The following INSC variants were observed in gnomAD, a reference collection of about 807,000 sequenced individuals.
INSC encodes protein inscuteable homolog.
A neutral mutation model predicts 58.6 loss-of-function variants in INSC; 67 were observed. That is an observed-to-expected ratio of 1.14 (90% CI 0.94 to 1.40). INSC has a LOEUF of 1.40. Ranked by LOEUF, INSC falls within the 40% of genes most tolerant of loss-of-function variation. The probability of loss-of-function intolerance (pLI) is 0.00; values close to 1 mark genes in which losing one functional copy is unlikely to be tolerated. For missense variants in INSC, 714 were observed against 692.0 expected, an observed-to-expected ratio of 1.03 and a Z score of -0.36; for synonymous variants, 262 against 276.1, an observed-to-expected ratio of 0.95 and a Z score of 0.51.
chr11:15,210,505 TTGTGTGTGTG>T (rs56375160), intron 7 of INSC, among the ~76,000 whole-genome samples: 212 of 135,562 alleles, frequency 1.6e-3, no homozygotes, highest in Middle Eastern at 3.7e-3. Flanking sequence ...ATTTGAGAGT[TTGTGTGTGTG>T]TGTGTGTGTG....
intron 1 of INSC, among the ~76,000 whole-genome samples, chr11:15,134,650 G>C (rs1392444233): frequency 6.6e-6 from 1 of 152,134 alleles, no homozygotes; most frequent in Non-Finnish European, 1.5e-5. Flanking sequence ...CACATTCATA[G>C]GTGCCTTATA....
At chr11:15,263,801 G>A in the INSC span, among the ~76,000 whole-genome samples, 1 of 152,076 alleles carries the variant, frequency 6.6e-6, no homozygotes, top group Non-Finnish European at 1.5e-5. Context: ...TATGGTTGTT[G>A]GCATAATCCA....
At chr11:15,259,904 T>A in the INSC span, among the ~76,000 whole-genome samples, 1 of 152,170 alleles carries the variant, frequency 6.6e-6, no homozygotes, top group South Asian at 2.1e-4. Context: ...TTTGCGTCCC[T>A]AAACAATTGA....
At chr11:15,116,526 T>G (rs1239237970) in intron 1 of INSC, among the ~76,000 whole-genome samples, 1 of 152,164 alleles carries the variant, frequency 6.6e-6, no homozygotes, top group Non-Finnish European at 1.5e-5. Flanking sequence ...GCACACACTA[T>G]ACAGCGCTTG....
chr11:15,117,558 G>C (rs970333442), intron 1 of INSC, among the ~76,000 whole-genome samples: 3 of 152,144 alleles, frequency 2.0e-5, no homozygotes, highest in Non-Finnish European at 4.4e-5. Context: ...ATGTTAGTTG[G>C]AACCATTGCT....
intron 9 of INSC, among the ~76,000 whole-genome samples, chr11:15,226,689 A>G (rs1220066340): frequency 2.6e-5 from 4 of 152,148 alleles, no homozygotes; most frequent in Non-Finnish European, 4.4e-5. Flanking sequence ...TCTTAACTGA[A>G]GCTGCTTTGG....
intron 6 of INSC, among the ~76,000 whole-genome samples, chr11:15,199,910 G>T (rs2133880786): frequency 6.6e-6 from 1 of 152,238 alleles, no homozygotes; most frequent in Admixed American, 6.5e-5. Flanking sequence ...TGGCACCTTG[G>T]TTAGTCATTC....
At chr11:15,226,111 T>C (rs1460332798) in intron 9 of INSC, among the ~76,000 whole-genome samples, 2 of 152,062 alleles carry the variant, frequency 1.3e-5, no homozygotes, top group South Asian at 2.1e-4. Flanking sequence ...CCCTACGAGA[T>C]CTCCTACCTG....
intron 2 of INSC, among the ~76,000 whole-genome samples, chr11:15,149,905 G>T (rs1222079642): frequency 6.6e-6 from 1 of 152,124 alleles, no homozygotes; most frequent in Non-Finnish European, 1.5e-5. Flanking sequence ...ACATGAAAAC[G>T]ATTTAGGAAT....
chr11:15,160,067 G>GAC (rs1848961952), intron 2 of INSC, among the ~76,000 whole-genome samples: 1 of 152,154 alleles, frequency 6.6e-6, no homozygotes, highest in East Asian at 1.9e-4. Flanking sequence ...TTGTAGGTAG[G>GAC]ACAAGACAGA....
At chr11:15,168,721 A>G (rs1257784178) in intron 2 of INSC, among the ~76,000 whole-genome samples, 3 of 152,190 alleles carry the variant, frequency 2.0e-5, no homozygotes, top group African/African-American at 7.2e-5. Flanking sequence ...AGTTTACTCA[A>G]AACACAAACT....
At chr11:15,203,088 T>G (rs1483036771) in intron 7 of INSC, among the ~76,000 whole-genome samples, 1 of 152,222 alleles carries the variant, frequency 6.6e-6, no homozygotes, top group African/African-American at 2.4e-5. Context: ...ATCTTAAAGA[T>G]AAGGAAATGG....
chr11:15,234,728 A>G lies in INSC; in HGVS notation c.1171-874A>G, dbSNP rs1852056106. ...GAATTTTCATCTTGCTATTTATGTC[A>G]GGAGCAGTGTTGTGGGTGGTATCTG... On this transcript the variant is annotated intron_variant, in intron 9 of 12. Coordinates refer to ENST00000379556, the MANE Select transcript of INSC (RefSeq NM_001042536.3). Among the ~76,000 whole-genome samples the G allele has an allele frequency of 3.9e-5, 6 of 152,214 alleles. No individual in the cohort carries two copies. In the South Asian group the frequency reaches 1.2e-3, roughly 32 times the overall value.
chr11:15,247,482 T>C (rs539375734), downstream of INSC, among the ~76,000 whole-genome samples: 8 of 152,230 alleles, frequency 5.3e-5, no homozygotes, highest in South Asian at 1.7e-3. Context: ...CCACCTAATG[T>C]GATGATGATT....
In INSC at chr11:15,246,073, C is replaced by T. The variant is rs1852553968; in HGVS notation, c.*33C>T. The T allele has an allele frequency of 1.2e-6, 2 of 1,612,962 alleles. No homozygotes were observed. The highest frequency in any genetic ancestry group is 2.2e-5 in the South Asian group (2 of 90,920). ...GGGCGAAGAAATACATTTGGCTGTT[C>T]TCACACCCCCTCTGACTATGCACCA... On this transcript the variant is annotated 3_prime_UTR_variant, in exon 13 of 13. Coordinates refer to ENST00000379556, the MANE Select transcript of INSC (RefSeq NM_001042536.3).
intron 7 of INSC, among the ~76,000 whole-genome samples, chr11:15,216,197 G>C (rs2133918463): frequency 6.6e-6 from 1 of 152,274 alleles, no homozygotes; most frequent in East Asian, 1.9e-4. Flanking sequence ...ATGGTAAAAA[G>C]TGGTGAGCTA....
chr11:15,265,925 A>G, the INSC span, among the ~76,000 whole-genome samples: 1 of 150,868 alleles, frequency 6.6e-6, no homozygotes, highest in South Asian at 2.1e-4. Flanking sequence ...TTAAAAGTAC[A>G]TGAAATCCTT....
At chr11:15,221,357 T>G in intron 7 of INSC, 120 bp from the exon 8 acceptor site, 1 of 1,201,706 alleles carries the variant, frequency 8.3e-7, no homozygotes, top group Non-Finnish European at 1.2e-6. Flanking sequence ...CCTGGGCTGT[T>G]CTGGGAAGCC....
At chr11:15,160,735 C>T (rs151055346) in intron 2 of INSC, among the ~76,000 whole-genome samples, 3 of 152,340 alleles carry the variant, frequency 2.0e-5, no homozygotes, top group South Asian at 2.1e-4. Flanking sequence ...CAGATGTACA[C>T]ATTGGCTCAT....
Sources: allele counts gnomAD v4.1 joint callset (sites outside exome capture counted in the v4.1 genomes callset), GRCh38; gene constraint gnomAD v4.1.1; transcripts MANE v1.5; gene names NCBI Gene and HGNC (gene_info 2026-07-23, HGNC 2026-07-21).